FXR1: variants seen among roughly 807,000 people sequenced by gnomAD.
FXR1 encodes RNA-binding protein FXR1.
A neutral mutation model predicts 84.0 loss-of-function variants in FXR1; 15 were observed. The observed-to-expected ratio is 0.18, with a 90% CI of 0.12 to 0.27. The LOEUF (loss-of-function observed/expected upper bound fraction) is 0.27, where lower values mean the gene tolerates loss of function less well. Among genes scored for constraint, FXR1 ranks in the 10% least tolerant of loss-of-function variants. The pLI is 1.00. For missense variants in FXR1, 480 were observed against 774.4 expected (o/e 0.62, Z 4.51); for synonymous variants, 245 against 250.7 (o/e 0.98, Z 0.21).
chr3:180,931,746 T>G (rs1576916832), intron 1 of FXR1, among the ~76,000 whole-genome samples: 1 of 147,148 alleles, frequency 6.8e-6, no homozygotes, highest in African/African-American at 2.5e-5. Flanking sequence ...TGGGTTTTTT[T>G]TTTTTTTTTT....
At chr3:180,943,125 C>T (rs2108457689) in intron 3 of FXR1, among the ~76,000 whole-genome samples, 1 of 152,098 alleles carries the variant, frequency 6.6e-6, no homozygotes, top group African/African-American at 2.4e-5. Flanking sequence ...CGCCACCATG[C>T]CCGGCTAATT....
chr3:180,953,678 T>C, intron 8 of FXR1, 84 bp from the exon 9 acceptor site: 1 of 700,428 alleles, frequency 1.4e-6, no homozygotes, highest in Non-Finnish European at 2.5e-6. Context: ...CAGAATTTTC[T>C]CTTTTCTCAT....
chr3:180,968,388 C>T (rs931126688), intron 14 of FXR1, 134 bp downstream of exon 14: 1 of 649,500 alleles, frequency 1.5e-6, no homozygotes, highest in South Asian at 1.8e-5. Flanking sequence ...AAGTAGTGGA[C>T]CATATAGCAG....
chr3:180,933,891 A>G (rs1720226236), intron 2 of FXR1, among the ~76,000 whole-genome samples: 1 of 152,118 alleles, frequency 6.6e-6, no homozygotes, highest in South Asian at 2.1e-4. Context: ...CGGGCAGATC[A>G]CTTGAGGTCA....
intron 1 of FXR1, among the ~76,000 whole-genome samples, chr3:180,919,887 C>A (rs1718367783): frequency 6.7e-6 from 1 of 150,112 alleles, no homozygotes; most frequent in African/African-American, 2.4e-5. Context: ...AGGCTGGTCC[C>A]AAACTGCTGA....
At chr3:180,970,729 A>G (rs1226865594) in intron 15 of FXR1, 1 of 154,770 alleles carries the variant, frequency 6.5e-6, no homozygotes, top group African/African-American at 2.4e-5. Context: ...AAAGGTACAT[A>G]TATCAAGAGT....
chr3:180,935,145 C>G lies in FXR1; in HGVS notation c.112C>G (p.Pro38Ala), dbSNP rs763881381. The G allele has an allele frequency of 6.4e-7, 1 of 1,551,708 alleles. No homozygotes were observed. The highest frequency in any genetic ancestry group is 2.2e-5 in the East Asian group (1 of 44,484). ...LTVVFENNWQ[P>A]ERQVPFNEVR... ...CCTTTTCTAATCCTTCAGTTGGCAA[C>G]CAGAACGCCAGGTTCCATTTAATGA... Residue 38 changes from proline to alanine, a missense_variant, in exon 3 of 17, where the codon CCA becomes GCA. By Grantham distance (27) the Pro-to-Ala change is conservative. This residue lies in a region of FXR1 where 54 missense variants were observed against 74.2 expected (regional missense o/e 0.73). Coordinates refer to ENST00000357559, the MANE Select transcript of FXR1 (RefSeq NM_005087.4).
chr3:180,965,744 G>A (rs1323498564), intron 13 of FXR1, among the ~76,000 whole-genome samples: 1 of 152,076 alleles, frequency 6.6e-6, no homozygotes, highest in East Asian at 1.9e-4. Flanking sequence ...TTTAATATGT[G>A]TTATTAACAG....
At chr3:180,931,064 A>G (rs1051953970) in intron 1 of FXR1, among the ~76,000 whole-genome samples, 1 of 146,364 alleles carries the variant, frequency 6.8e-6, no homozygotes, top group East Asian at 2.0e-4. Context: ...AATGTGCCCT[A>G]CTAGAAATAG....
intron 1 of FXR1, among the ~76,000 whole-genome samples, chr3:180,926,506 A>ATATATATATATTTTTTTTTTTTTTTT (rs72192827): frequency 8.0e-6 from 1 of 124,394 alleles, no homozygotes; most frequent in African/African-American, 2.9e-5. Context: ...ATATATATAT[A>ATATATATATATTTTTTTTTTTTTTTT]TTTTTTTTTC....
intron 15 of FXR1, among the ~76,000 whole-genome samples, chr3:180,974,878 T>C (rs1234228256): frequency 1.3e-5 from 2 of 152,148 alleles, no homozygotes; most frequent in African/African-American, 4.8e-5. Context: ...TATTTTTGTA[T>C]CTGAAATTTT....
intron 1 of FXR1, among the ~76,000 whole-genome samples, 190 bp downstream of exon 1, chr3:180,912,926 G>A (rs1214827972): frequency 2.6e-5 from 4 of 152,150 alleles, no homozygotes; most frequent in African/African-American, 7.2e-5. Flanking sequence ...GCTCCGTTAT[G>A]TTTTGAAACA....
intron 1 of FXR1, among the ~76,000 whole-genome samples, chr3:180,925,186 C>A (rs1295207790): frequency 6.6e-6 from 1 of 151,862 alleles, no homozygotes; most frequent in African/African-American, 2.4e-5. Flanking sequence ...TATGGTGAAA[C>A]CCTGTCTCTA....
At position 180,976,317 on chromosome 3, in the gene FXR1, T is replaced by C. The variant is rs1714240919; in HGVS notation, c.*25T>C. 2.0e-6 allele frequency: 3 copies of C among 1,474,808 alleles called. No homozygotes were observed. The East Asian group carries it at 7.0e-5, about 34-fold the overall frequency. The allele number at this position is 1,474,808 out of a possible 1,614,324, so 91.4% of individuals were successfully genotyped here. ...AACTGAAGAAGTTCCTAGTTTACAGTTCTTTTACATTACATTTACAATAGT... is the reference window on the plus strand; with the variant it reads ...AACTGAAGAAGTTCCTAGTTTACAGCTCTTTTACATTACATTTACAATAGT... On this transcript the variant is annotated 3_prime_UTR_variant, in exon 17 of 17. Coordinates refer to ENST00000357559, the MANE Select transcript of FXR1 (RefSeq NM_005087.4).
intron 1 of FXR1, among the ~76,000 whole-genome samples, chr3:180,922,571 A>G (rs752590336): frequency 2.0e-5 from 3 of 152,126 alleles, no homozygotes; most frequent in African/African-American, 7.2e-5. Context: ...CTCTGACCTG[A>G]TGTAAGAGTG....
chr3:180,947,999 T>C, intron 4 of FXR1, 63 bp downstream of exon 4: 1 of 907,836 alleles, frequency 1.1e-6, no homozygotes, highest in Non-Finnish European at 1.8e-6. Flanking sequence ...TGCTTGGTTT[T>C]TGTAAATCTT....
At chr3:180,936,183 C>T (rs180931269) in intron 3 of FXR1, among the ~76,000 whole-genome samples, 94 of 150,098 alleles carry the variant, frequency 6.3e-4, no homozygotes, top group African/African-American at 2.2e-3. Context: ...TGAGCCACCG[C>T]GCCTAGCCAT....
Position 180,912,673 on chromosome 3 carries a change from T to G in FXR1, c.-13T>G, listed in dbSNP as rs1480956727. 5.0e-6 allele frequency: 8 copies of G among 1,613,740 alleles called. No individual in the cohort carries two copies. In the South Asian group the frequency reaches 6.6e-5, roughly 13 times the overall value. ...TTCTAGAATCTCTTCCCAGCGGCCT[T>G]TGCGGTTCCAACATGGCGGAGCTGA... On this transcript the variant is annotated 5_prime_UTR_variant, in exon 1 of 17. Coordinates refer to ENST00000357559, the MANE Select transcript of FXR1 (RefSeq NM_005087.4).
intron 7 of FXR1, among the ~76,000 whole-genome samples, chr3:180,949,717 T>C (rs932864016): frequency 2.0e-5 from 3 of 152,312 alleles, no homozygotes; most frequent in African/African-American, 7.2e-5. Flanking sequence ...AGTTCCTTGC[T>C]TCAAACGAAG....
Sources: allele counts gnomAD v4.1 joint callset (sites outside exome capture counted in the v4.1 genomes callset), GRCh38; gene constraint gnomAD v4.1.1; regional missense constraint gnomAD v4.1.1; transcripts MANE v1.5; gene names NCBI Gene and HGNC (gene_info 2026-07-23, HGNC 2026-07-21).